Variants in TMEM71 observed in about 807,000 individuals in gnomAD.
The protein encoded by TMEM71 is transmembrane protein 71.
In TMEM71, 44 loss-of-function variants were observed where a neutral mutation model predicts 38.0. The ratio of observed to expected loss-of-function variants is 1.16; its 90% CI spans 0.91 to 1.49. TMEM71 has a LOEUF of 1.49. Ranked by LOEUF, TMEM71 falls within the 40% of genes most tolerant of loss-of-function variation. The pLI is 0.00. For missense variants in TMEM71, 367 were observed against 348.6 expected (o/e 1.05, Z -0.42); for synonymous variants, 133 against 122.5 (o/e 1.09, Z -0.56).
intron 7 of TMEM71, among the ~76,000 whole-genome samples, chr8:132,714,563 A>G (rs544944627): frequency 6.6e-6 from 1 of 152,342 alleles, no homozygotes; most frequent in South Asian, 2.1e-4. Context: ...TTAACTCAAA[A>G]TGGGTCATAG....
chr8:132,749,936 C>T (rs1329275575), intron 4 of TMEM71, among the ~76,000 whole-genome samples: 3 of 149,192 alleles, frequency 2.0e-5, no homozygotes. Context: ...ATCGCTTGAA[C>T]CAGGGAGTCG....
At chr8:132,720,598 T>C (rs1192404880) in intron 7 of TMEM71, among the ~76,000 whole-genome samples, 1 of 152,156 alleles carries the variant, frequency 6.6e-6, no homozygotes, top group Non-Finnish European at 1.5e-5. Context: ...TCTAAAAATG[T>C]TTTGCAAACC....
chr8:132,727,734 A>C, intron 6 of TMEM71, 64 bp downstream of exon 6: 1 of 1,430,488 alleles, frequency 7.0e-7, no homozygotes, highest in Non-Finnish European at 9.5e-7. Context: ...TCTCCAAGTC[A>C]TTCTCAGGCT....
Position 132,714,042 on chromosome 8 carries a change from T to G in TMEM71, c.825A>C (p.Ser275=). ...AATAGCTGGCAAGGCTGAGAAACAA[T>G]GATTTCACATCTTGAGTGAAACAGA... ...SLMITVAYVK[S]LFLSLASYFK... Residue 275 remains serine, a synonymous_variant, in exon 9 of 10, where the codon TCA becomes TCC. Coordinates refer to ENST00000677595, the MANE Select transcript of TMEM71 (RefSeq NM_001382403.1). The G allele has an allele frequency of 6.2e-7, 1 of 1,614,088 alleles. No individual in the cohort carries two copies. Among genetic ancestry groups the G allele is most frequent in the Non-Finnish European group, 8.5e-7 (1 of 1,179,952 alleles).
At chr8:132,762,705 A>G (rs180793353), upstream of TMEM71, among the ~76,000 whole-genome samples, 5 of 152,348 alleles carry the variant, frequency 3.3e-5, no homozygotes, top group East Asian at 7.7e-4. Flanking sequence ...TCACATAGCC[A>G]GTACGTGATG....
At chr8:132,708,884 G>A (rs1326987448), downstream of TMEM71, among the ~76,000 whole-genome samples, 1 of 152,044 alleles carries the variant, frequency 6.6e-6, no homozygotes, top group Non-Finnish European at 1.5e-5. Context: ...CCAGGGGCCA[G>A]GGAATGCAAG....
chr8:132,763,438 C>T (rs1490618422), upstream of TMEM71, among the ~76,000 whole-genome samples: 1 of 152,158 alleles, frequency 6.6e-6, no homozygotes, highest in African/African-American at 2.4e-5. Flanking sequence ...AACCTTTATT[C>T]TGCATGTTAT....
At chr8:132,770,866 A>G in the TMEM71 span, among the ~76,000 whole-genome samples, 2 of 152,238 alleles carry the variant, frequency 1.3e-5, no homozygotes, top group African/African-American at 2.4e-5. Context: ...AGGGCCCAGG[A>G]ACTTGAATTT....
At chr8:132,745,043 A>G (rs530397518) in intron 5 of TMEM71, among the ~76,000 whole-genome samples, 4 of 152,314 alleles carry the variant, frequency 2.6e-5, no homozygotes, top group African/African-American at 7.2e-5. Flanking sequence ...AAAGATTTCA[A>G]TGTAAGACCT....
intron 5 of TMEM71, among the ~76,000 whole-genome samples, chr8:132,737,242 A>T (rs879904937): frequency 6.6e-5 from 10 of 152,206 alleles, no homozygotes; most frequent in Admixed American, 5.9e-4. Context: ...AAGTTGGTAG[A>T]TTTTAAGGAA....
chr8:132,745,716 C>T (rs1045284792), intron 5 of TMEM71, among the ~76,000 whole-genome samples: 6 of 152,170 alleles, frequency 3.9e-5, no homozygotes, highest in South Asian at 2.1e-4. Flanking sequence ...ACAACTCATA[C>T]ACTCACATTT....
intron 5 of TMEM71, among the ~76,000 whole-genome samples, chr8:132,728,277 A>T (rs1827265042): frequency 6.6e-6 from 1 of 152,186 alleles, no homozygotes. Flanking sequence ...AGGCTTCACA[A>T]TCATGGTGGA....
chr8:132,716,028 G>C (rs752095870), intron 7 of TMEM71, among the ~76,000 whole-genome samples: 2 of 152,162 alleles, frequency 1.3e-5, no homozygotes, highest in Non-Finnish European at 2.9e-5. Flanking sequence ...TGTGGGCTTC[G>C]CAGAGCCCGA....
intron 7 of TMEM71, among the ~76,000 whole-genome samples, chr8:132,716,734 T>C (rs7011665): frequency 0.57 from 86,154 of 152,096 alleles, 27,360 homozygotes; most frequent in African/African-American, 0.87. Flanking sequence ...TTGTACTTTA[T>C]AGTTATGAAT....
intron 2 of TMEM71, among the ~76,000 whole-genome samples, chr8:132,757,765 G>A (rs959811739): frequency 6.7e-6 from 1 of 149,642 alleles, no homozygotes; most frequent in Non-Finnish European, 1.5e-5. Flanking sequence ...GGCAGAGCTT[G>A]CAGTGAGCTG....
intron 1 of TMEM71, 59 bp from the exon 2 acceptor site, chr8:132,758,974 A>G: frequency 6.9e-6 from 7 of 1,019,750 alleles, no homozygotes; most frequent in Non-Finnish European, 9.3e-6. Flanking sequence ...AATTATGCCA[A>G]AACAGATGGC....
intron 9 of TMEM71, among the ~76,000 whole-genome samples, chr8:132,711,969 T>C (rs1378150709): frequency 3.9e-5 from 6 of 152,194 alleles, no homozygotes; most frequent in African/African-American, 1.4e-4. Context: ...CTTTGGTTTA[T>C]TAGTTTCTCG....
rs1826190736 is a variant in TMEM71 at position 132,710,731 on chromosome 8, C to T, written c.*236G>A. ...ATCACATTCCCCGTCCTTTTCCTTT[C>T]AACTGCCGGTGTTTGCAAAGGGAAG... On this transcript the variant is annotated 3_prime_UTR_variant, in exon 10 of 10. Coordinates refer to ENST00000677595, the MANE Select transcript of TMEM71 (RefSeq NM_001382403.1). 5.3e-6 allele frequency: 3 copies of T among 566,568 alleles called. No homozygotes were observed. Among genetic ancestry groups the T allele is most frequent in the Admixed American group, 7.1e-5 (2 of 28,310 alleles). The allele number at this position is 566,568 out of a possible 1,614,324, so 35.1% of individuals were successfully genotyped here.
the TMEM71 span, among the ~76,000 whole-genome samples, chr8:132,772,142 A>G: frequency 2.6e-5 from 4 of 152,242 alleles, no homozygotes; most frequent in African/African-American, 9.6e-5. Context: ...ATTTGTAATC[A>G]AGGAGTATCT....
Sources: allele counts gnomAD v4.1 joint callset (sites outside exome capture counted in the v4.1 genomes callset), GRCh38; gene constraint gnomAD v4.1.1; transcripts MANE v1.5; gene names NCBI Gene and HGNC (gene_info 2026-07-23, HGNC 2026-07-21).